Variants in TMCC1 observed in about 807,000 individuals in gnomAD.
The protein encoded by TMCC1 is transmembrane and coiled-coil domains protein 1.
TMCC1 carries 15 observed loss-of-function variants against 52.4 expected under a neutral mutation model. That is an observed-to-expected ratio of 0.29 (90% confidence interval 0.19 to 0.44). The LOEUF is 0.44. Ranked by LOEUF, TMCC1 falls within the 20% of genes least tolerant of loss-of-function variation. The probability of loss-of-function intolerance (pLI) is 1.00; values close to 1 mark genes in which losing one functional copy is unlikely to be tolerated. For missense variants in TMCC1, 503 were observed against 806.0 expected, an observed-to-expected ratio of 0.62 and a Z score of 4.55; for synonymous variants, 279 against 301.9, an observed-to-expected ratio of 0.92 and a Z score of 0.79.
intron 1 of TMCC1, among the ~76,000 whole-genome samples, chr3:129,887,149 A>C (rs2108011376): frequency 6.6e-6 from 1 of 152,230 alleles, no homozygotes; most frequent in South Asian, 2.1e-4. Flanking sequence ...CACATGTTAC[A>C]CTGTGAATGA....
chr3:129,891,944 C>T (rs2061982605), intron 1 of TMCC1, among the ~76,000 whole-genome samples: 1 of 152,220 alleles, frequency 6.6e-6, no homozygotes, highest in African/African-American at 2.4e-5. Context: ...TAGTCTAGGG[C>T]ACTGGGGTTC....
At chr3:129,888,031 GC>G (rs1560626614) in intron 1 of TMCC1, among the ~76,000 whole-genome samples, 1 of 152,090 alleles carries the variant, frequency 6.6e-6, no homozygotes, top group African/African-American at 2.4e-5. Flanking sequence ...AGAAATGAGT[GC>G]TGTCTATAAA....
chr3:129,651,747 G>C lies in TMCC1; in HGVS notation c.1696C>G (p.Gln566Glu), dbSNP rs754181061. Residue 566 changes from glutamine to glutamate, a missense_variant, in exon 7 of 7, where the codon CAG (glutamine) becomes GAG (glutamate). Transcript: ENST00000393238. This position sits in a 1 kb window ranked among gnomAD's most constrained non-coding sequence, Gnocchi z 5.1. ...QTRISKMELQQQQQQVVQLEG... is the reference protein window; with the variant it reads ...QTRISKMELQEQQQQVVQLEG... Reference sequence around the variant, plus strand: ...AGCTGCACCACCTGCTGCTGCTGCTGCTGCAGCTCCATCTTGGAGATGCGC... The same window carrying C: ...AGCTGCACCACCTGCTGCTGCTGCTCCTGCAGCTCCATCTTGGAGATGCGC... The C allele has an allele frequency of 6.2e-7, 1 of 1,614,120 alleles. No homozygotes were observed. Among genetic ancestry groups the C allele is most frequent in the African/African-American group, 1.3e-5 (1 of 74,948 alleles).
At chr3:129,855,087 A>T (rs2060092665) in intron 2 of TMCC1, among the ~76,000 whole-genome samples, 1 of 152,244 alleles carries the variant, frequency 6.6e-6, no homozygotes, top group Non-Finnish European at 1.5e-5. Context: ...TATCACCATG[A>T]TCTTCACTAT....
intron 2 of TMCC1, among the ~76,000 whole-genome samples, chr3:129,837,772 T>C (rs1280969328): frequency 6.6e-6 from 1 of 151,994 alleles, no homozygotes. Context: ...ATGAAAGAGG[T>C]AGACAACATA....
intron 4 of TMCC1, among the ~76,000 whole-genome samples, chr3:129,725,505 AAAG>A (rs1560275858): frequency 1.3e-5 from 2 of 152,168 alleles, no homozygotes; most frequent in Non-Finnish European, 2.9e-5. Flanking sequence ...TAAATAGAAA[AAAG>A]AAATAGAAAA....
intron 1 of TMCC1, among the ~76,000 whole-genome samples, chr3:129,885,256 GA>G (rs1388012511): frequency 6.6e-6 from 1 of 152,092 alleles, no homozygotes; most frequent in Non-Finnish European, 1.5e-5. Context: ...GGCAAAAGAA[GA>G]AAACTTTTGC....
At chr3:129,802,625 G>A (rs1215193415) in intron 4 of TMCC1, among the ~76,000 whole-genome samples, 4 of 152,082 alleles carry the variant, frequency 2.6e-5, no homozygotes, top group Non-Finnish European at 5.9e-5. Context: ...CAAAACTATA[G>A]AGACTAGCTG....
intron 2 of TMCC1, among the ~76,000 whole-genome samples, chr3:129,849,643 G>A (rs1172603771): frequency 1.3e-5 from 2 of 151,466 alleles, no homozygotes; most frequent in Admixed American, 6.6e-5. Context: ...GCGGGCACCT[G>A]TAGTCCCAGC....
In TMCC1 at chr3:129,828,936, T is replaced by C. The variant is rs569981099; in HGVS notation, c.-130-428A>G. ...CCCTCTCATTCATAACCACAGTTAA[T>C]TATTCACAGGCTGAAACTCAGTATA... On this transcript the variant is annotated intron_variant, in intron 3 of 6. Transcript: ENST00000393238. This position sits in a 1 kb window ranked among gnomAD's most constrained non-coding sequence, Gnocchi z 4.1. 3.9e-5 allele frequency among the ~76,000 whole-genome samples: 6 copies of C among 152,348 alleles called. No homozygotes were observed. Among genetic ancestry groups the C allele is most frequent in the Admixed American group, 2.0e-4 (3 of 15,300 alleles).
chr3:129,664,567 T>C (rs1020285602), intron 5 of TMCC1, among the ~76,000 whole-genome samples: 3 of 152,180 alleles, frequency 2.0e-5, no homozygotes, highest in African/African-American at 2.4e-5. Flanking sequence ...AGTAATCCCC[T>C]TCAAATACAA....
intron 2 of TMCC1, among the ~76,000 whole-genome samples, chr3:129,866,275 A>G (rs918657673): frequency 6.9e-6 from 1 of 145,888 alleles, no homozygotes; most frequent in African/African-American, 2.5e-5. Flanking sequence ...CATATATAAT[A>G]TATATACATA....
chr3:129,760,430 GTGTGTT>G (rs1283430096), intron 4 of TMCC1, among the ~76,000 whole-genome samples: 16 of 147,770 alleles, frequency 1.1e-4, no homozygotes, highest in East Asian at 8.4e-4. Flanking sequence ...GTGTGTGTGT[GTGTGTT>G]TTTGAGACAG....
chr3:129,678,684 C>T, intron 4 of TMCC1, among the ~76,000 whole-genome samples: 1 of 151,960 alleles, frequency 6.6e-6, no homozygotes, highest in East Asian at 1.9e-4. Context: ...TTTATAGTAA[C>T]ACTATGGAAT....
At chr3:129,855,919 C>T (rs1003303181) in intron 2 of TMCC1, among the ~76,000 whole-genome samples, 6 of 152,174 alleles carry the variant, frequency 3.9e-5, no homozygotes, top group Admixed American at 3.9e-4. Context: ...AAAAGACAAA[C>T]ATTTCTAGAG....
intron 2 of TMCC1, among the ~76,000 whole-genome samples, chr3:129,878,819 C>T (rs941243443): frequency 1.3e-5 from 2 of 152,138 alleles, no homozygotes; most frequent in African/African-American, 4.8e-5. Context: ...TTAATAGAAA[C>T]CCCCAAGGTA....
chr3:129,694,407 C>T (rs1180528110), intron 4 of TMCC1, among the ~76,000 whole-genome samples: 2 of 152,204 alleles, frequency 1.3e-5, no homozygotes, highest in African/African-American at 2.4e-5. Context: ...CTGTCAGAAA[C>T]GTTTACACCT....
intron 4 of TMCC1, among the ~76,000 whole-genome samples, chr3:129,718,662 T>C (rs149530018): frequency 1.2e-3 from 176 of 152,324 alleles, no homozygotes; most frequent in African/African-American, 3.7e-3. Flanking sequence ...ATACAGATGA[T>C]TTGTCTTGTA....
At position 129,855,908 on chromosome 3, in the gene TMCC1, G is replaced by A. The variant is rs562249082; in HGVS notation, c.-183-23082C>T. ...GCAGTATCAGAAATTAGAGATTTAGGAAAAGACAAACATTTCTAGAGAAGT... is the reference window on the plus strand; with the variant it reads ...GCAGTATCAGAAATTAGAGATTTAGAAAAAGACAAACATTTCTAGAGAAGT... On this transcript the variant is annotated intron_variant, in intron 2 of 6. Coordinates refer to ENST00000393238, the MANE Select transcript of TMCC1 (RefSeq NM_001017395.5). 1.8e-4 allele frequency among the ~76,000 whole-genome samples: 28 copies of A among 152,256 alleles called. No individual in the cohort carries two copies. In the South Asian group the frequency reaches 5.6e-3, roughly 30 times the overall value.
Sources: allele counts gnomAD v4.1 joint callset (sites outside exome capture counted in the v4.1 genomes callset), GRCh38; gene constraint gnomAD v4.1.1; non-coding constraint Gnocchi (gnomAD v3.1); transcripts MANE v1.5; gene names NCBI Gene and HGNC (gene_info 2026-07-23, HGNC 2026-07-21).